Variants in PFKP observed in about 807,000 individuals in gnomAD.
PFKP encodes the protein ATP-dependent 6-phosphofructokinase, platelet type.
PFKP carries 101 observed loss-of-function variants against 94.3 expected under a neutral mutation model. The ratio of observed to expected loss-of-function variants is 1.07; its 90% CI spans 0.91 to 1.26. The LOEUF (loss-of-function observed/expected upper bound fraction) is 1.26, where lower values mean the gene tolerates loss of function less well. PFKP is among the 50% of genes most tolerant of loss of function. PFKP has a pLI of 0.00. For synonymous variants in PFKP, 573 were observed against 432.6 expected, an observed-to-expected ratio of 1.32 and a Z score of -4.03; for missense variants, 1,145 against 1,103.3, an observed-to-expected ratio of 1.04 and a Z score of -0.53.
chr10:3,136,740 G>A lies in PFKP; in HGVS notation c.*161G>A. On this transcript the variant is annotated 3_prime_UTR_variant, in exon 22 of 22. Transcript: ENST00000381125. ...CTCCAGTGCGTGCTGTCTGTGGAGT[G>A]TGTCTCATGCTTTCAGATGTGCATA... 1 of 637,144 alleles carries A rather than the reference G, an allele frequency of 1.6e-6. No individual in the cohort carries two copies. Among genetic ancestry groups the A allele is most frequent in the Non-Finnish European group, 2.7e-6 (1 of 372,592 alleles). The allele number at this position is 637,144 out of a possible 1,614,324, so 39.5% of individuals were successfully genotyped here.
chr10:3,113,568 C>T (rs779214628), intron 13 of PFKP, 50 bp downstream of exon 13: 7 of 1,567,718 alleles, frequency 4.5e-6, no homozygotes, highest in Non-Finnish European at 6.1e-6. Context: ...GCTGTGAGCA[C>T]AGTGGACGTG....
chr10:3,113,126 GC>G lies in PFKP; in HGVS notation c.1163del (p.Ala388GlyfsTer4), dbSNP rs1836424797. 1 of 1,612,892 alleles carries G rather than the reference GC, an allele frequency of 6.2e-7. No homozygotes were observed. Among genetic ancestry groups the G allele is most frequent in the East Asian group, 2.2e-5 (1 of 44,842 alleles). ...DAVRLRGRSF[A>X]GNLNTYKRLA... ...GACACCCTTTTCCTTTAGGAGCTTT[GC>G]GGGCAACCTGAACACCTACAAGCGA... is the stretch of plus-strand genomic sequence containing the variant. On this transcript the variant is annotated frameshift_variant, in exon 12 of 22. Coordinates refer to ENST00000381125, the MANE Select transcript of PFKP (RefSeq NM_002627.5). LOFTEE classifies it high-confidence loss of function.
Position 3,082,449 on chromosome 10 carries a change from C to T in PFKP, c.174C>T (p.Tyr58=), listed in dbSNP as rs767448040. ...GTATCTACGTGGGGGCCAAGGTGTA[C>T]TTCATCTACGAGGTCAGTGTCTGCC... ...RMGIYVGAKV[Y]FIYEGYQGMV... The change falls in exon 2 of 22, where the codon TAC becomes TAT. Residue 58 remains tyrosine, a synonymous_variant. Coordinates refer to ENST00000381125, the MANE Select transcript of PFKP (RefSeq NM_002627.5). 43 of 1,605,472 alleles carry T rather than the reference C, an allele frequency of 2.7e-5. No homozygotes were observed. In the East Asian group the frequency reaches 5.4e-4, roughly 20 times the overall value.
intron 1 of PFKP, among the ~76,000 whole-genome samples, chr10:3,075,477 G>C (rs1832508576): frequency 6.6e-6 from 1 of 151,264 alleles, no homozygotes; most frequent in South Asian, 2.1e-4. Flanking sequence ...AATCCAGGCA[G>C]ATCAGCTTCT....
chr10:3,088,756 A>G (rs1833823750), intron 2 of PFKP, among the ~76,000 whole-genome samples: 1 of 151,010 alleles, frequency 6.6e-6, no homozygotes. Flanking sequence ...TACCATCTTT[A>G]CTATTTGTGG....
At chr10:3,086,221 C>T (rs951934253) in intron 2 of PFKP, among the ~76,000 whole-genome samples, 3 of 152,162 alleles carry the variant, frequency 2.0e-5, no homozygotes, top group Non-Finnish European at 4.4e-5. Flanking sequence ...CTCCTGTTCC[C>T]GCGGCCCTGA....
chr10:3,127,897 C>G (rs775968097), intron 16 of PFKP, among the ~76,000 whole-genome samples: 2 of 152,202 alleles, frequency 1.3e-5, no homozygotes, highest in African/African-American at 4.8e-5. Context: ...TTTAATCAAG[C>G]CTGCATTTAT....
At position 3,123,280 on chromosome 10, in the gene PFKP, G is replaced by A. The variant is rs368929539; in HGVS notation, c.1683+3236G>A. ...CAGAAGCACAGTAAGCTGCTGCCAC[G>A]CTGCCGTCAGCTGCCGCGAAGGTGG... is the stretch of plus-strand genomic sequence containing the variant. On this transcript the variant is annotated intron_variant, in intron 16 of 21. Coordinates refer to ENST00000381125, the MANE Select transcript of PFKP (RefSeq NM_002627.5). Among the ~76,000 whole-genome samples, 15 of 152,288 alleles carry A rather than the reference G, an allele frequency of 9.8e-5. No individual in the cohort carries two copies. In the East Asian group the frequency reaches 1.2e-3, roughly 12 times the overall value.
intron 5 of PFKP, 83 bp from the exon 6 acceptor site, chr10:3,105,032 G>C: frequency 1.5e-6 from 2 of 1,306,674 alleles, no homozygotes; most frequent in Non-Finnish European, 1.1e-6. Context: ...TGCTTTCTGA[G>C]CTGTTTCCAG....
chr10:3,112,013 T>G (rs927423367), intron 10 of PFKP, among the ~76,000 whole-genome samples: 1 of 152,166 alleles, frequency 6.6e-6, no homozygotes, highest in East Asian at 1.9e-4. Flanking sequence ...GGCTCTGACC[T>G]CACAGCCGGG....
At chr10:3,133,091 C>T in intron 18 of PFKP, 112 bp from the exon 19 acceptor site, 1 of 753,482 alleles carries the variant, frequency 1.3e-6, no homozygotes, top group Non-Finnish European at 2.4e-6. Flanking sequence ...GATGTAGAAT[C>T]ACCATAGGGT....
At chr10:3,089,588 G>T (rs1833890867) in intron 2 of PFKP, among the ~76,000 whole-genome samples, 1 of 151,574 alleles carries the variant, frequency 6.6e-6, no homozygotes, top group Non-Finnish European at 1.5e-5. Flanking sequence ...TCATCTCTTT[G>T]TGTTAGGAAC....
At position 3,136,635 on chromosome 10, in the gene PFKP, C is replaced by CTTAAG; in HGVS notation, c.*60_*64dup. 2 of 1,580,922 alleles carry CTTAAG rather than the reference C, an allele frequency of 1.3e-6. No individual in the cohort carries two copies. Among genetic ancestry groups the CTTAAG allele is most frequent in the South Asian group, 2.3e-5 (2 of 88,202 alleles). On this transcript the variant is annotated 3_prime_UTR_variant, in exon 22 of 22. Coordinates refer to ENST00000381125, the MANE Select transcript of PFKP (RefSeq NM_002627.5). The stretch of plus-strand genomic sequence containing the variant: ...CCGTGGACTGTCTGTTTTTGTAACA[C>CTTAAG]TTAAGTTATTTTATCAGCACTTTAT...
chr10:3,078,207 C>T (rs186422749), intron 1 of PFKP, among the ~76,000 whole-genome samples: 25 of 152,348 alleles, frequency 1.6e-4, no homozygotes, highest in Admixed American at 4.6e-4. Flanking sequence ...TTACCTGTGA[C>T]GCCAAAAGCC....
At chr10:3,087,823 A>G (rs1833717356) in intron 2 of PFKP, among the ~76,000 whole-genome samples, 1 of 151,942 alleles carries the variant, frequency 6.6e-6, no homozygotes. Flanking sequence ...CCAGGCACCT[A>G]CCTCTGGGCG....
At chr10:3,072,758 T>G (rs1282391283) in intron 1 of PFKP, among the ~76,000 whole-genome samples, 1 of 151,972 alleles carries the variant, frequency 6.6e-6, no homozygotes, top group Non-Finnish European at 1.5e-5. Context: ...GCTCTTTAAA[T>G]AATTAGGGCT....
At position 3,086,469 on chromosome 10, in the gene PFKP, A is replaced by G. The variant is rs1341915961; in HGVS notation, c.186+4008A>G. On this transcript the variant is annotated intron_variant, in intron 2 of 21. Transcript: ENST00000381125. ...GTAGGGAGTGATTTACCCCCTTAGGACGTTTACCAGTGTTTGGAGGCATTT... is the reference window on the plus strand; with the variant it reads ...GTAGGGAGTGATTTACCCCCTTAGGGCGTTTACCAGTGTTTGGAGGCATTT... Among the ~76,000 whole-genome samples, 4 of 152,318 alleles carry G rather than the reference A, an allele frequency of 2.6e-5. No homozygotes were observed. The South Asian group carries it at 6.2e-4, about 24-fold the overall frequency.
chr10:3,082,928 G>T (rs1328067183), intron 2 of PFKP, among the ~76,000 whole-genome samples: 1 of 152,108 alleles, frequency 6.6e-6, no homozygotes, highest in Non-Finnish European at 1.5e-5. Context: ...GGCCAGGCTG[G>T]TCTGAGTCCT....
intron 1 of PFKP, among the ~76,000 whole-genome samples, chr10:3,075,063 G>A (rs573825668): frequency 1.3e-5 from 2 of 152,212 alleles, no homozygotes; most frequent in East Asian, 1.9e-4. Flanking sequence ...CCAAATTAAA[G>A]GAATAGGTTG....
Sources: gnomAD v4.1 joint callset for allele counts (sites outside exome capture counted in the v4.1 genomes callset) on GRCh38, gnomAD v4.1.1 for gene constraint, MANE v1.5 for transcripts, NCBI Gene and HGNC (gene_info 2026-07-23, HGNC 2026-07-21) for gene names.